Variants in TRABD2B observed in about 807,000 individuals in gnomAD.
The protein encoded by TRABD2B is metalloprotease TIKI2.
In TRABD2B, 14 loss-of-function variants were observed where a neutral mutation model predicts 40.1. That is an observed-to-expected ratio of 0.35 (90% CI 0.23 to 0.55). TRABD2B has a LOEUF of 0.55. Ranked by LOEUF, TRABD2B falls within the 20% of genes least tolerant of loss-of-function variation. The probability of loss-of-function intolerance (pLI) is 0.90; values close to 1 mark genes in which losing one functional copy is unlikely to be tolerated. For missense variants in TRABD2B, 541 were observed against 648.6 expected (o/e 0.83, Z 1.80); for synonymous variants, 263 against 277.0 (o/e 0.95, Z 0.50).
At chr1:47,861,873 T>C (rs1017128223) in intron 2 of TRABD2B, among the ~76,000 whole-genome samples, 3 of 152,124 alleles carry the variant, frequency 2.0e-5, no homozygotes, top group African/African-American at 7.2e-5. Context: ...AGCAAAAGAT[T>C]AGCAAATTGA....
chr1:47,864,736 G>T (rs990552504), intron 2 of TRABD2B, among the ~76,000 whole-genome samples: 1 of 152,084 alleles, frequency 6.6e-6, no homozygotes, highest in Non-Finnish European at 1.5e-5. Context: ...AGGGGCCTAG[G>T]TGGGGACACT....
chr1:47,825,911 AG>A (rs1325901853), intron 2 of TRABD2B, among the ~76,000 whole-genome samples: 2 of 152,224 alleles, frequency 1.3e-5, no homozygotes, highest in Non-Finnish European at 2.9e-5. Flanking sequence ...GAACTGGGCA[AG>A]TCACCAACCC....
intron 2 of TRABD2B, among the ~76,000 whole-genome samples, chr1:47,909,504 G>A (rs144561494): frequency 1.2e-4 from 9 of 78,260 alleles, no homozygotes; most frequent in Admixed American, 1.2e-4. Flanking sequence ...GGAGAAGGAG[G>A]AGAAGGAGAA....
intron 2 of TRABD2B, among the ~76,000 whole-genome samples, chr1:47,902,647 C>T (rs1644617139): frequency 6.6e-6 from 1 of 152,130 alleles, no homozygotes. Flanking sequence ...CAGGGTTACA[C>T]CACTATGCCT....
intron 2 of TRABD2B, among the ~76,000 whole-genome samples, chr1:47,837,052 T>C (rs1342783219): frequency 1.3e-5 from 2 of 152,246 alleles, no homozygotes; most frequent in Admixed American, 1.3e-4. Context: ...GTGGTGTTTG[T>C]TCACTGAACT....
intron 2 of TRABD2B, among the ~76,000 whole-genome samples, chr1:47,876,215 A>G (rs1305406050): frequency 6.6e-6 from 1 of 152,170 alleles, no homozygotes; most frequent in Non-Finnish European, 1.5e-5. Context: ...AGTCAACTCA[A>G]GTGGGGAGCA....
At chr1:47,859,892 A>G (rs1252846716) in intron 2 of TRABD2B, among the ~76,000 whole-genome samples, 1 of 152,196 alleles carries the variant, frequency 6.6e-6, no homozygotes, top group African/African-American at 2.4e-5. Flanking sequence ...CAGATTCATG[A>G]GCTCACTTAG....
chr1:47,799,157 C>T (rs1327925369), intron 3 of TRABD2B, among the ~76,000 whole-genome samples: 1 of 152,200 alleles, frequency 6.6e-6, no homozygotes, highest in African/African-American at 2.4e-5. Context: ...CTCATGCCTC[C>T]GTTTCTCAGC....
chr1:47,783,221 G>A lies in TRABD2B; in HGVS notation c.989-4677C>T, dbSNP rs188400467. On this transcript the variant is annotated intron_variant, in intron 4 of 6. Coordinates refer to ENST00000606738, the MANE Select transcript of TRABD2B (RefSeq NM_001194986.2). The stretch of plus-strand genomic sequence containing the variant: ...AGAAAGAGAAAGGGGCCCAGAGACA[G>A]GCAGTAAGAGACACAGAGACAACAG... 9.6e-4 allele frequency among the ~76,000 whole-genome samples: 146 copies of A among 152,044 alleles called. 1 individual carries two copies. The highest frequency in any genetic ancestry group is 3.3e-3 in the African/African-American group (135 of 41,466).
At chr1:47,923,804 T>A (rs1644933478) in intron 2 of TRABD2B, among the ~76,000 whole-genome samples, 1 of 151,944 alleles carries the variant, frequency 6.6e-6, no homozygotes, top group Non-Finnish European at 1.5e-5. Context: ...CTTCCCTAGG[T>A]CTCCAGTCTG....
intron 2 of TRABD2B, among the ~76,000 whole-genome samples, chr1:47,911,492 C>A (rs1644762298): frequency 6.6e-6 from 1 of 152,256 alleles, no homozygotes; most frequent in South Asian, 2.1e-4. Flanking sequence ...GGCCGAAGAA[C>A]TCCTGAGTCA....
At chr1:47,867,597 G>A (rs1644078641) in intron 2 of TRABD2B, among the ~76,000 whole-genome samples, 1 of 152,166 alleles carries the variant, frequency 6.6e-6, no homozygotes, top group Non-Finnish European at 1.5e-5. Flanking sequence ...GTGTAAAATT[G>A]TGTTTTTGCA....
intron 4 of TRABD2B, among the ~76,000 whole-genome samples, chr1:47,778,944 G>A (rs1228212948): frequency 6.6e-6 from 1 of 152,176 alleles, no homozygotes; most frequent in Non-Finnish European, 1.5e-5. Flanking sequence ...AGTCCAGGCT[G>A]GGACAGCCTC....
chr1:47,977,518 A>G (rs779199547), intron 2 of TRABD2B, among the ~76,000 whole-genome samples: 1 of 152,148 alleles, frequency 6.6e-6, no homozygotes, highest in Non-Finnish European at 1.5e-5. Flanking sequence ...AATCATCCTA[A>G]GAAGATAGGT....
rs547397737 is a variant in TRABD2B at position 47,978,701 on chromosome 1, C to T, written c.666+15333G>A. On this transcript the variant is annotated intron_variant, in intron 2 of 6. Coordinates refer to ENST00000606738, the MANE Select transcript of TRABD2B (RefSeq NM_001194986.2). ...TTTATGGCTTTGGATATTTACTTTTCTCATAAACAAATCAGCTTGGGTGCC... is the reference window on the plus strand; with the variant it reads ...TTTATGGCTTTGGATATTTACTTTTTTCATAAACAAATCAGCTTGGGTGCC... Among the ~76,000 whole-genome samples, 7 of 152,304 alleles carry T rather than the reference C, an allele frequency of 4.6e-5. No individual in the cohort carries two copies. The South Asian group carries it at 1.5e-3, about 32-fold the overall frequency.
chr1:47,921,719 CTA>C (rs1644903785), intron 2 of TRABD2B, among the ~76,000 whole-genome samples: 1 of 152,190 alleles, frequency 6.6e-6, no homozygotes, highest in African/African-American at 2.4e-5. Context: ...TGGATGTGTG[CTA>C]TGTGTGCGAT....
chr1:47,765,396 T>G lies in TRABD2B; in HGVS notation c.*506A>C, dbSNP rs563096800. On this transcript the variant is annotated 3_prime_UTR_variant, in exon 7 of 7. Transcript: ENST00000606738. ...CGGGTGCATCCAGCAGAGGGGAGGA[T>G]GGCCAACGTTCACACCTCTGGCTCC... is the stretch of plus-strand genomic sequence containing the variant. 6.5e-6 allele frequency: 1 copy of G among 154,806 alleles called. No individual in the cohort carries two copies. 9.6% of individuals were successfully genotyped at this position (154,806 alleles called of 1,614,324 possible). A position where few individuals can be genotyped will look rare whatever the true frequency, so the allele number is the denominator to read the frequency against.
chr1:47,860,141 C>A (rs908851675), intron 2 of TRABD2B, among the ~76,000 whole-genome samples: 1 of 152,196 alleles, frequency 6.6e-6, no homozygotes, highest in Non-Finnish European at 1.5e-5. Flanking sequence ...TCCTGGAGAA[C>A]TAAATGCTGG....
intron 2 of TRABD2B, among the ~76,000 whole-genome samples, chr1:47,812,167 C>A (rs978383867): frequency 7.2e-5 from 11 of 152,212 alleles, no homozygotes; most frequent in Admixed American, 4.6e-4. Context: ...ATAAACCGAA[C>A]ACACTCTGTC....
Sources: allele counts gnomAD v4.1 joint callset (sites outside exome capture counted in the v4.1 genomes callset), GRCh38; gene constraint gnomAD v4.1.1; transcripts MANE v1.5; gene names NCBI Gene and HGNC (gene_info 2026-07-23, HGNC 2026-07-21).